CDADC1: variants seen among roughly 807,000 people sequenced by gnomAD.
The protein encoded by CDADC1 is cytidine and dCMP deaminase domain containing 1, also known as dCTP deaminase.
In CDADC1, 39 loss-of-function variants were observed where a neutral mutation model predicts 54.9. The ratio of observed to expected loss-of-function variants is 0.71; its 90% CI spans 0.55 to 0.93. The LOEUF is 0.93. CDADC1 is among the 40% of genes least tolerant of loss of function. The probability of loss-of-function intolerance (pLI) is 0.00; values close to 1 mark genes in which losing one functional copy is unlikely to be tolerated. For synonymous variants in CDADC1, 186 were observed against 204.0 expected, an observed-to-expected ratio of 0.91 and a Z score of 0.75; for missense variants, 518 against 618.8, an observed-to-expected ratio of 0.84 and a Z score of 1.73.
chr13:49,282,185 G>T (rs149472357), intron 8 of CDADC1, among the ~76,000 whole-genome samples: 2 of 146,958 alleles, frequency 1.4e-5, no homozygotes, highest in African/African-American at 5.0e-5. Flanking sequence ...GAAAACACAA[G>T]AACTTTTAAG....
chr13:49,276,345 A>G lies in CDADC1; in HGVS notation c.1050+2005A>G, dbSNP rs1566370694. ...TAGAATGAGGTAGGGCTAGACAGAA[A>G]ATAAGGAGATTAATAAAAAGAGATG... On this transcript the variant is annotated intron_variant, in intron 6 of 9. Transcript: ENST00000251108. Among the ~76,000 whole-genome samples the G allele has an allele frequency of 2.6e-5, 4 of 152,252 alleles. No individual in the cohort carries two copies. The South Asian group carries it at 8.3e-4, about 32-fold the overall frequency.
In CDADC1 at chr13:49,278,388, A is replaced by T; in HGVS notation, c.1089A>T (p.Gly363=). 6.3e-7 allele frequency: 1 copy of T among 1,595,486 alleles called. No homozygotes were observed. Among genetic ancestry groups the T allele is most frequent in the Non-Finnish European group, 8.6e-7 (1 of 1,166,104 alleles). The change falls in exon 7 of 10, where the codon GGA becomes GGT. Residue 363 remains glycine, a synonymous_variant. Transcript: ENST00000251108. ...CDGTGAMYFV[G]CGYNAFPVGS... ...GAACAGGTGCCATGTACTTTGTAGGATGTGGTTACAATGCTTTTCCTGTTG... is the reference window on the plus strand; with the variant it reads ...GAACAGGTGCCATGTACTTTGTAGGTTGTGGTTACAATGCTTTTCCTGTTG...
At chr13:49,256,508 A>G (rs1376111352) in intron 3 of CDADC1, among the ~76,000 whole-genome samples, 1 of 152,240 alleles carries the variant, frequency 6.6e-6, no homozygotes, top group African/African-American at 2.4e-5. Flanking sequence ...GCTGCAAATA[A>G]TAAAGTTCAT....
chr13:49,275,746 G>T (rs866877171), intron 6 of CDADC1, among the ~76,000 whole-genome samples: 22 of 21,338 alleles, frequency 1.0e-3, no homozygotes, highest in African/African-American at 1.8e-3. Flanking sequence ...GAGAGAGAGA[G>T]AGAGAGAGAG....
At chr13:49,262,923 T>C (rs1403863182) in intron 4 of CDADC1, among the ~76,000 whole-genome samples, 1 of 152,190 alleles carries the variant, frequency 6.6e-6, no homozygotes, top group African/African-American at 2.4e-5. Flanking sequence ...CAGTTTTACA[T>C]AAGAAGGTCC....
At chr13:49,253,505 C>T (rs1341208176) in intron 2 of CDADC1, among the ~76,000 whole-genome samples, 1 of 152,174 alleles carries the variant, frequency 6.6e-6, no homozygotes, top group Non-Finnish European at 1.5e-5. Context: ...ACTCTGGCTC[C>T]GCCTCTTACT....
Position 49,259,440 on chromosome 13 carries a change from T to C in CDADC1, c.347T>C (p.Ile116Thr). The change falls in exon 4 of 10, where the codon ATT becomes ACT. Residue 116 changes from isoleucine to threonine, a missense_variant. By Grantham distance (89) the Ile-to-Thr change is moderately conservative. Coordinates refer to ENST00000251108, the MANE Select transcript of CDADC1 (RefSeq NM_030911.4). ...EDLHAGQIAL[I>T]KHGSRLKNCD... The stretch of plus-strand genomic sequence containing the variant: ...TTACATGCCGGGCAGATTGCTCTTA[T>C]TAAACATGGGTCAAGGCTGAAAAAC... The C allele has an allele frequency of 5.0e-6, 8 of 1,614,220 alleles. No homozygotes were observed. Among genetic ancestry groups the C allele is most frequent in the Non-Finnish European group, 6.8e-6 (8 of 1,180,034 alleles).
chr13:49,268,159 C>T (rs989296378), intron 5 of CDADC1, 100 bp downstream of exon 5: 3 of 973,226 alleles, frequency 3.1e-6, no homozygotes. Flanking sequence ...CTCATAGTTA[C>T]TTAAGTTTTG....
chr13:49,293,001 A>G lies in CDADC1; in HGVS notation c.*1244A>G. On this transcript the variant is annotated 3_prime_UTR_variant, in exon 10 of 10. Transcript: ENST00000251108. ...GGACCATGGGGAGTTCAGAGTCATC[A>G]TACAAGGCAGCCAAGAACTGCCATA... 1 of 266,496 alleles carries G rather than the reference A, an allele frequency of 3.8e-6. No homozygotes were observed. The highest frequency in any genetic ancestry group is 7.4e-6 in the Non-Finnish European group (1 of 135,322). 16.5% of individuals were successfully genotyped at this position (266,496 alleles called of 1,614,324 possible).
At chr13:49,275,728 G>T (rs7333732) in intron 6 of CDADC1, among the ~76,000 whole-genome samples, 340 of 12,008 alleles carry the variant, frequency 0.028, 7 homozygotes, top group Middle Eastern at 0.11. Context: ...TATATATATA[G>T]AGAGAGAGAG....
intron 9 of CDADC1, among the ~76,000 whole-genome samples, chr13:49,289,120 C>CTT (rs66814830): frequency 0.017 from 1,020 of 61,002 alleles, 155 homozygotes; most frequent in African/African-American, 0.045. Flanking sequence ...TTTTTTTTTG[C>CTT]TTTTTTTTTT....
chr13:49,290,574 CA>C (rs1159492343), intron 9 of CDADC1, among the ~76,000 whole-genome samples: 2 of 152,042 alleles, frequency 1.3e-5, no homozygotes, highest in Non-Finnish European at 2.9e-5. Context: ...AGGCTCAGGG[CA>C]GGAAATCCCT....
At chr13:49,289,269 C>T (rs977989182) in intron 9 of CDADC1, among the ~76,000 whole-genome samples, 1 of 151,860 alleles carries the variant, frequency 6.6e-6, no homozygotes, top group Non-Finnish European at 1.5e-5. Flanking sequence ...TCTGGGATTA[C>T]AGGCATGCAC....
intron 2 of CDADC1, 76 bp from the exon 3 acceptor site, chr13:49,255,763 T>C (rs1301490353): frequency 1.3e-6 from 2 of 1,562,504 alleles, no homozygotes; most frequent in African/African-American, 2.8e-5. Flanking sequence ...AAGCCAGCCT[T>C]TAAATATGGG....
At chr13:49,279,138 C>T (rs938186303) in intron 7 of CDADC1, among the ~76,000 whole-genome samples, 1 of 152,160 alleles carries the variant, frequency 6.6e-6, no homozygotes, top group Non-Finnish European at 1.5e-5. Context: ...TTTTCACAAA[C>T]ACTTCTCAGC....
intron 8 of CDADC1, among the ~76,000 whole-genome samples, chr13:49,285,457 G>C (rs1366156542): frequency 6.6e-6 from 1 of 152,122 alleles, no homozygotes; most frequent in Non-Finnish European, 1.5e-5. Context: ...TTACAGGCGT[G>C]AGCCACTGTG....
chr13:49,256,403 C>T (rs1248011649), intron 3 of CDADC1, among the ~76,000 whole-genome samples: 1 of 152,250 alleles, frequency 6.6e-6, no homozygotes, highest in African/African-American at 2.4e-5. Flanking sequence ...TAACACTACC[C>T]ACCCTGTGTC....
chr13:49,281,030 C>T (rs1054612418), intron 8 of CDADC1, among the ~76,000 whole-genome samples: 8 of 151,854 alleles, frequency 5.3e-5, no homozygotes, highest in Admixed American at 5.3e-4. Context: ...GACGGGGTTT[C>T]GCCATGTTGT....
intron 8 of CDADC1, among the ~76,000 whole-genome samples, chr13:49,285,178 T>C (rs1244746148): frequency 1.5e-5 from 2 of 135,264 alleles, no homozygotes; most frequent in Non-Finnish European, 3.2e-5. Flanking sequence ...TTTTTTTCTT[T>C]TTTCTTTTTT....
Sources: gnomAD v4.1 joint callset for allele counts (sites outside exome capture counted in the v4.1 genomes callset) on GRCh38, gnomAD v4.1.1 for gene constraint, MANE v1.5 for transcripts, NCBI Gene and HGNC (gene_info 2026-07-23, HGNC 2026-07-21) for gene names.